The following CACNA1F variants were observed in gnomAD, a reference collection of about 807,000 sequenced individuals.
The protein encoded by CACNA1F is voltage-dependent L-type calcium channel subunit alpha-1F.
Under a neutral mutation model 143.8 loss-of-function variants are expected in CACNA1F, and 59 were observed. The observed-to-expected ratio is 0.41, with a 90% CI of 0.33 to 0.51. CACNA1F has a LOEUF of 0.51. Ranked by LOEUF, CACNA1F falls within the 20% of genes least tolerant of loss-of-function variation. The pLI, the probability that CACNA1F is intolerant of heterozygous loss-of-function variation, is 0.22. For synonymous variants in CACNA1F, 643 were observed against 649.1 expected, an observed-to-expected ratio of 0.99 and a Z score of 0.14; for missense variants, 1,411 against 1,647.5, an observed-to-expected ratio of 0.86 and a Z score of 2.48.
intron 15 of CACNA1F, 38 bp from the exon 16 acceptor site, chrX:49,222,876 C>T: frequency 3.3e-6 from 4 of 1,211,222 alleles, no homozygotes; most frequent in Non-Finnish European, 4.5e-6. Flanking sequence ...CTTGGACCCC[C>T]TCCAACTCCA....
In CACNA1F at chrX:49,205,227, GGTTCCCTGT is replaced by G; in HGVS notation, c.5802_5810del (p.Gln1935_Thr1937del). The G allele has an allele frequency of 8.3e-7, 1 of 1,210,183 alleles. No individual in the cohort carries two copies. Among genetic ancestry groups the G allele is most frequent in the East Asian group, 3.0e-5 (1 of 33,792 alleles). On this transcript the variant is annotated inframe_deletion, in exon 48 of 48. Transcript: ENST00000323022. ...ACTCCTCGTCGCTATAGAGAGAGCT[GGTTCCCTGT>G]GCCAGCAGGTCACTGGCAGCATTGT...
At position 49,224,814 on chromosome X, in the gene CACNA1F, C is replaced by G. The variant is rs1354810346; in HGVS notation, c.1824G>C (p.Leu608Phe). 3.3e-6 allele frequency: 4 copies of G among 1,194,813 alleles called. No individual in the cohort carries two copies. The highest frequency in any genetic ancestry group is 4.5e-6 in the Non-Finnish European group (4 of 886,758). ...GCACACATCGGAGCACTGAGATGCC[C>G]AAGGGCTGCATGGCACCCACCTCCA... Reference protein sequence around the residue: ...TLVEVGAMQPLGISVLRCVRL... With the variant: ...TLVEVGAMQPFGISVLRCVRL... Residue 608 changes from leucine (L) to phenylalanine (F), a missense_variant, in exon 14 of 48, where the codon TTG (leucine) becomes TTC (phenylalanine). By Grantham distance (22) the Leu-to-Phe change is conservative. Transcript: ENST00000323022.
At position 49,221,040 on chromosome X, in the gene CACNA1F, C is replaced by T; in HGVS notation, c.2329G>A (p.Gly777Ser). 1 of 1,208,364 alleles carries T rather than the reference C, an allele frequency of 8.3e-7. No homozygotes were observed. Among genetic ancestry groups the T allele is most frequent in the Non-Finnish European group, 1.1e-6 (1 of 892,137 alleles). The change falls in exon 18 of 48, where the codon GGC becomes AGC. Residue 777 changes from glycine (G) to serine (S), a missense_variant. Gly to Ser is a moderately conservative substitution (Grantham distance 56). Around this residue, in one of 3 missense-constraint regions of CACNA1F, gnomAD observed 950 missense variants for 1,128.1 expected, o/e 0.84. Transcript: ENST00000323022. ...NEKDLPQENE[G>S]LVPGVEKEEE... ...TGCCCAGGCATCTAACTCACCAGGC[C>T]TTCATTCTCCTGTGGGAGATCCTTC... is the stretch of plus-strand genomic sequence containing the variant.
At chrX:49,210,242 A>G in intron 39 of CACNA1F, 59 bp downstream of exon 39, 3 of 859,417 alleles carry the variant, frequency 3.5e-6, no homozygotes, top group Non-Finnish European at 3.5e-6. Context: ...CCATGATTCA[A>G]TGAGTTTGCT....
intron 14 of CACNA1F, 114 bp from the exon 15 acceptor site, chrX:49,223,250 A>C: frequency 2.0e-6 from 1 of 510,568 alleles, no homozygotes; most frequent in Non-Finnish European, 3.4e-6. Context: ...GGTTGGGCTC[A>C]AATAGGCTTT....
At position 49,216,462 on chromosome X, in the gene CACNA1F, G is replaced by C; in HGVS notation, c.3156C>G (p.Val1052=). The C allele has an allele frequency of 8.3e-7, 1 of 1,207,030 alleles. No individual in the cohort carries two copies. Among genetic ancestry groups the C allele is most frequent in the Non-Finnish European group, 1.1e-6 (1 of 892,246 alleles). Residue 1052 remains valine, a synonymous_variant, in exon 27 of 48, where the codon GTC becomes GTG. Coordinates refer to ENST00000323022, the MANE Select transcript of CACNA1F (RefSeq NM_001256789.3). ...CATTGTCAAAGTTGAAATCACTGTT[G>C]ACCCAGAGCCGCTCCCGGACCAGGG... is the stretch of plus-strand genomic sequence containing the variant. ...SRPLVRERLW[V]NSDFNFDNVL...
Position 49,216,369 on chromosome X carries a change from C to T in CACNA1F, c.3236+13G>A. 8.3e-7 allele frequency: 1 copy of T among 1,209,599 alleles called. No individual in the cohort carries two copies. The highest frequency in any genetic ancestry group is 1.8e-5 in the South Asian group (1 of 56,758). On this transcript the variant is annotated intron_variant, in intron 27 of 47. Transcript: ENST00000323022. The stretch of plus-strand genomic sequence containing the variant: ...GCCTCATCCCCTGATAAACCCAGGG[C>T]CCTGTCCCTCACGCAGGCCAGCCTT...
Position 49,226,702 on chromosome X carries a change from C to T in CACNA1F, c.1277G>A (p.Gly426Glu). Residue 426 changes from glycine to glutamate, a missense_variant and splice_region_variant, in exon 10 of 48, where the codon GGG (glycine) becomes GAG (glutamate). By Grantham distance (98) the Gly-to-Glu change is moderately conservative (BLOSUM62 -2). This residue lies in a region of CACNA1F where 950 missense variants were observed against 1,128.1 expected (regional missense o/e 0.84). Transcript: ENST00000323022. Reference protein sequence around the residue: ...MEDPSADDNLGPQLAELTNRR... With the variant: ...MEDPSADDNLEPQLAELTNRR... ...ATTGGTCAGCTCGGCCAGCTGTGGC[C>T]CTGCAGGGAGAGAAAGGACAATTAG... 3 of 1,173,249 alleles carry T rather than the reference C, an allele frequency of 2.6e-6. No homozygotes were observed. Among genetic ancestry groups the T allele is most frequent in the Non-Finnish European group, 3.4e-6 (3 of 874,844 alleles).
At chrX:49,223,290 T>C in intron 14 of CACNA1F, 154 bp from the exon 15 acceptor site, 1 of 458,632 alleles carries the variant, frequency 2.2e-6, no homozygotes. Flanking sequence ...ATTTTGGAGT[T>C]GGGGTGAGAT....
intron 18 of CACNA1F, 63 bp downstream of exon 18, chrX:49,220,972 G>T: frequency 1.1e-6 from 1 of 909,038 alleles, no homozygotes; most frequent in Non-Finnish European, 1.6e-6. Context: ...AAACAGATAT[G>T]CACACATAGA....
rs782690591 is a variant in CACNA1F, at chrX:49,210,682, G to A, written c.4393C>T (p.Arg1465Cys). ...WSEYDPGAKG[R>C]IKHLDVVALL... The stretch of plus-strand genomic sequence containing the variant: ...GCAACCACATCCAAGTGTTTGATGC[G>A]GCCCCTGGAGGAGTTGGGGAGGTAC... Residue 1465 changes from arginine to cysteine, a missense_variant, in exon 38 of 48, where the codon CGC becomes TGC. By Grantham distance (180) the Arg-to-Cys change is radical. Around this residue, in one of 3 missense-constraint regions of CACNA1F, gnomAD observed 112 missense variants for 169.2 expected, o/e 0.66. Coordinates refer to ENST00000323022, the MANE Select transcript of CACNA1F (RefSeq NM_001256789.3). The A allele has an allele frequency of 3.3e-6, 4 of 1,201,434 alleles. No individual in the cohort carries two copies. Among genetic ancestry groups the A allele is most frequent in the East Asian group, 5.9e-5 (2 of 33,629 alleles).
rs147150039 is a variant in CACNA1F at position 49,214,955 on chromosome X, A to G, written c.3597+131T>C. ...TTAAAGAAATGTGGCAAATGTCTTT[A>G]TAGCTTAAGTTGCTGTTAGTTGGCA... is the stretch of plus-strand genomic sequence containing the variant. On this transcript the variant is annotated intron_variant, in intron 29 of 47. Coordinates refer to ENST00000323022, the MANE Select transcript of CACNA1F (RefSeq NM_001256789.3). 7.9e-3 allele frequency: 4,569 copies of G among 576,276 alleles called. 165 individuals are homozygous for G. In the African/African-American group the frequency reaches 0.091, roughly 12 times the overall value. The allele number at this position is 576,276 out of a possible 1,213,427, so 47.5% of individuals were successfully genotyped here.
intron 27 of CACNA1F, 97 bp downstream of exon 27, chrX:49,216,285 C>T: frequency 1.1e-6 from 1 of 943,519 alleles, no homozygotes; most frequent in Non-Finnish European, 1.5e-6. Context: ...TCGTCACATC[C>T]CCAAGGTACA....
chrX:49,230,464 C>T lies in CACNA1F; in HGVS notation c.664+3G>A. On this transcript the variant is annotated splice_donor_region_variant and intron_variant, in intron 5 of 47. Transcript: ENST00000323022. ...CTCCGACCTCGGGGGATGTGCCACT[C>T]ACTCGGGACCCCAGACACCAGCCTC... The T allele has an allele frequency of 8.3e-7, 1 of 1,209,311 alleles. No homozygotes were observed. Among genetic ancestry groups the T allele is most frequent in the Non-Finnish European group, 1.1e-6 (1 of 894,383 alleles).
intron 1 of CACNA1F, 132 bp downstream of exon 1, chrX:49,233,153 G>A (rs974224656): frequency 2.0e-5 from 13 of 653,530 alleles, no homozygotes; most frequent in Non-Finnish European, 3.2e-5. Context: ...GGGCTGGCTG[G>A]GATGGGGAAC....
intron 12 of CACNA1F, 67 bp downstream of exon 12, chrX:49,226,150 T>C: frequency 8.9e-7 from 1 of 1,125,637 alleles, no homozygotes; most frequent in East Asian, 3.0e-5. Context: ...CCAAAGGTCA[T>C]GAGGGCTTGG....
rs2065636636 is a variant in CACNA1F at position 49,209,705 on chromosome X, A to G, written c.4745T>C (p.Phe1582Ser). The change falls in exon 41 of 48, where the codon TTC becomes TCC. Residue 1582 changes from phenylalanine to serine, a missense_variant. Around this residue, in one of 3 missense-constraint regions of CACNA1F, gnomAD observed 349 missense variants for 350.2 expected, o/e 1.00. Transcript: ENST00000323022. ...FYATFLIQDY[F>S]RKFRRRKEKG... ...TTCTTTCCTCCGCCGGAATTTGCGG[A>G]AATAGTCCTGGATCAGAAATGTGGC... 8.3e-7 allele frequency: 1 copy of G among 1,211,264 alleles called. No individual in the cohort carries two copies. The highest frequency in any genetic ancestry group is 1.7e-5 in the African/African-American group (1 of 57,768).
At chrX:49,228,757 G>A (rs1557110659) in intron 6 of CACNA1F, among the ~76,000 whole-genome samples, 1 of 111,816 alleles carries the variant, frequency 8.9e-6, no homozygotes, top group Non-Finnish European at 1.9e-5. Flanking sequence ...TAGTAGAGAC[G>A]GGGGTTTCAC....
chrX:49,227,481 T>C (rs2065837898), intron 8 of CACNA1F, among the ~76,000 whole-genome samples: 1 of 111,560 alleles, frequency 9.0e-6, no homozygotes, highest in African/African-American at 3.3e-5. Context: ...TGCGCCACCA[T>C]GCCCAGCTAT....
Sources: gnomAD v4.1 joint callset for allele counts (sites outside exome capture counted in the v4.1 genomes callset) on GRCh38, gnomAD v4.1.1 for gene constraint, gnomAD v4.1.1 regional missense constraint, MANE v1.5 for transcripts, NCBI Gene and HGNC (gene_info 2026-07-23, HGNC 2026-07-21) for gene names.